Variants in PIGL observed in about 807,000 individuals in gnomAD.
The protein encoded by PIGL is phosphatidylinositol glycan anchor biosynthesis class L.
In PIGL, 22 loss-of-function variants were observed where a neutral mutation model predicts 31.1. That is an observed-to-expected ratio of 0.71 (90% confidence interval 0.51 to 1.01). The LOEUF is 1.01. Ranked by LOEUF, PIGL falls within the 50% of genes least tolerant of loss-of-function variation. PIGL has a pLI of 0.00. For missense variants in PIGL, 302 were observed against 315.9 expected, an observed-to-expected ratio of 0.96 and a Z score of 0.33; for synonymous variants, 131 against 117.4, an observed-to-expected ratio of 1.12 and a Z score of -0.75.
chr17:16,299,781 T>A (rs1331609842), intron 2 of PIGL, 107 bp from the exon 3 acceptor site: 1 of 789,596 alleles, frequency 1.3e-6, no homozygotes, highest in East Asian at 2.5e-5. Context: ...GCAGGGACCC[T>A]TACCCCCAAT....
At chr17:16,275,170 T>C (rs878874259) in intron 2 of PIGL, among the ~76,000 whole-genome samples, 2 of 152,380 alleles carry the variant, frequency 1.3e-5, no homozygotes. Context: ...TTATTGAGTT[T>C]TCTGGGAAAG....
At chr17:16,308,300 C>T (rs2093034391) in intron 3 of PIGL, among the ~76,000 whole-genome samples, 1 of 151,218 alleles carries the variant, frequency 6.6e-6, no homozygotes, top group Non-Finnish European at 1.5e-5. Context: ...CCACTGCACT[C>T]CAGTCTGGGT....
intron 3 of PIGL, among the ~76,000 whole-genome samples, chr17:16,306,140 G>A (rs115145038): frequency 0.048 from 7,349 of 152,010 alleles, 221 homozygotes; most frequent in African/African-American, 0.09. Context: ...TAGTAGACAC[G>A]GGGTTTCACC....
intron 3 of PIGL, among the ~76,000 whole-genome samples, chr17:16,307,334 G>A (rs553428393): frequency 6.6e-6 from 1 of 152,360 alleles, no homozygotes; most frequent in African/African-American, 2.4e-5. Context: ...GCCATAGGGT[G>A]TGCCAGTGCA....
chr17:16,247,662 T>C (rs901257642), intron 2 of PIGL, among the ~76,000 whole-genome samples: 2 of 152,144 alleles, frequency 1.3e-5, no homozygotes, highest in African/African-American at 4.8e-5. Flanking sequence ...TTGAGGTCAT[T>C]CTTCCCTTTT....
At chr17:16,301,311 C>T (rs1011820539) in intron 3 of PIGL, among the ~76,000 whole-genome samples, 2 of 151,932 alleles carry the variant, frequency 1.3e-5, no homozygotes, top group Non-Finnish European at 2.9e-5. Context: ...ATCGCCCAGG[C>T]TGGAGTGCAG....
chr17:16,226,196 C>A (rs1284620037), intron 1 of PIGL, among the ~76,000 whole-genome samples: 2 of 151,710 alleles, frequency 1.3e-5, no homozygotes, highest in Non-Finnish European at 2.9e-5. Context: ...CCTTTTTTTT[C>A]ATGGTTTCAG....
At chr17:16,305,505 T>C (rs749726783) in intron 3 of PIGL, among the ~76,000 whole-genome samples, 6 of 152,214 alleles carry the variant, frequency 3.9e-5, no homozygotes, top group African/African-American at 1.2e-4. Flanking sequence ...GCCATTGTCA[T>C]GTACAAATCT....
intron 2 of PIGL, among the ~76,000 whole-genome samples, chr17:16,265,828 C>T (rs1423458266): frequency 6.6e-6 from 1 of 151,850 alleles, no homozygotes; most frequent in African/African-American, 2.4e-5. Context: ...GGCTTCAGAC[C>T]CCGCATTTCC....
At chr17:16,315,991 C>T (rs372141891) in intron 4 of PIGL, among the ~76,000 whole-genome samples, 2 of 152,162 alleles carry the variant, frequency 1.3e-5, no homozygotes, top group Non-Finnish European at 2.9e-5. Context: ...CCACCGCGCC[C>T]GGCTCCTTTT....
chr17:16,227,305 T>C (rs2092656240), intron 1 of PIGL, among the ~76,000 whole-genome samples: 1 of 151,884 alleles, frequency 6.6e-6, no homozygotes, highest in Non-Finnish European at 1.5e-5. Context: ...GAGCCAGGGT[T>C]TCACCATGTT....
At chr17:16,239,599 A>C (rs1425172856) in intron 2 of PIGL, among the ~76,000 whole-genome samples, 1 of 152,206 alleles carries the variant, frequency 6.6e-6, no homozygotes, top group Non-Finnish European at 1.5e-5. Context: ...TCATGATATC[A>C]TACAGAAATG....
At chr17:16,320,237 G>GA in intron 6 of PIGL, among the ~76,000 whole-genome samples, 12 of 112,362 alleles carry the variant, frequency 1.1e-4, no homozygotes, top group African/African-American at 4.1e-4. Flanking sequence ...AAGGAAGGAA[G>GA]GAAGGAAGGA....
At chr17:16,307,026 G>A (rs974326570) in intron 3 of PIGL, among the ~76,000 whole-genome samples, 5 of 152,214 alleles carry the variant, frequency 3.3e-5, no homozygotes, top group African/African-American at 7.2e-5. Context: ...AAAAGGAAAG[G>A]GAGAGGGAAA....
chr17:16,267,425 G>A (rs1174295371), intron 2 of PIGL, among the ~76,000 whole-genome samples: 1 of 152,056 alleles, frequency 6.6e-6, no homozygotes, highest in East Asian at 1.9e-4. Flanking sequence ...AGGCACACTT[G>A]GTGTAACTTT....
Position 16,326,011 on chromosome 17 carries a change from A to C in PIGL, c.*113A>C, listed in dbSNP as rs1246336576. On this transcript the variant is annotated 3_prime_UTR_variant, in exon 7 of 7. Transcript: ENST00000225609. ...CTGAGCTCAAGGAGATCCCCGCTGG[A>C]GCAGCCTCTGCAAAAGGGAGCCCAT... 4 of 742,656 alleles carry C rather than the reference A, an allele frequency of 5.4e-6. No individual in the cohort carries two copies. The highest frequency in any genetic ancestry group is 5.1e-5 in the East Asian group (2 of 38,902). The allele number at this position is 742,656 out of a possible 1,614,324, so 46.0% of individuals were successfully genotyped here. A position where few individuals can be genotyped will look rare whatever the true frequency, so the allele number is the denominator to read the frequency against.
intron 2 of PIGL, among the ~76,000 whole-genome samples, chr17:16,270,839 G>A (rs2092868545): frequency 6.6e-6 from 1 of 151,756 alleles, no homozygotes; most frequent in Non-Finnish European, 1.5e-5. Context: ...GTTGCAGTGA[G>A]CCGAGATCGC....
chr17:16,220,698 G>C (rs990460410), intron 1 of PIGL, among the ~76,000 whole-genome samples: 1 of 151,870 alleles, frequency 6.6e-6, no homozygotes, highest in African/African-American at 2.4e-5. Context: ...TGTTGGTCAG[G>C]CTGGTCTCAA....
At chr17:16,252,040 C>G (rs2092774001) in intron 2 of PIGL, among the ~76,000 whole-genome samples, 1 of 147,964 alleles carries the variant, frequency 6.8e-6, no homozygotes, top group Non-Finnish European at 1.5e-5. Flanking sequence ...ACACGAATTT[C>G]TCTATGCGCA....
Sources: allele counts gnomAD v4.1 joint callset (sites outside exome capture counted in the v4.1 genomes callset), GRCh38; gene constraint gnomAD v4.1.1; transcripts MANE v1.5; gene names NCBI Gene and HGNC (gene_info 2026-07-23, HGNC 2026-07-21).